The following ANKRD30B variants were observed in gnomAD, a reference collection of about 807,000 sequenced individuals.
The protein encoded by ANKRD30B is ankyrin repeat domain 30B, also known as ankyrin repeat domain-containing protein 30B.
In ANKRD30B, 144 loss-of-function variants were observed where a neutral mutation model predicts 202.2. The observed-to-expected ratio is 0.71, with a 90% CI of 0.62 to 0.82. The LOEUF (loss-of-function observed/expected upper bound fraction) is 0.82. Among genes scored for constraint, ANKRD30B ranks in the 40% least tolerant of loss-of-function variants. ANKRD30B has a pLI of 0.00. For synonymous variants in ANKRD30B, 508 were observed against 561.3 expected, an observed-to-expected ratio of 0.91 and a Z score of 1.34; for missense variants, 1,487 against 1,669.1, an observed-to-expected ratio of 0.89 and a Z score of 1.90.
At chr18:14,829,975 G>A (rs1481234443) in intron 33 of ANKRD30B, among the ~76,000 whole-genome samples, 3 of 152,098 alleles carry the variant, frequency 2.0e-5, no homozygotes, top group East Asian at 3.9e-4. Flanking sequence ...TGTAAAGCAG[G>A]GGGAAGATTG....
At chr18:14,817,933 A>AT (rs1342124504) in intron 30 of ANKRD30B, among the ~76,000 whole-genome samples, 6 of 152,116 alleles carry the variant, frequency 3.9e-5, no homozygotes, top group East Asian at 1.9e-4. Context: ...TTGGACATAA[A>AT]TTTTTTGTGT....
intron 8 of ANKRD30B, among the ~76,000 whole-genome samples, chr18:14,770,817 T>TAAAAAGATA (rs1555648028): frequency 4.3e-5 from 6 of 139,722 alleles, no homozygotes; most frequent in Non-Finnish European, 9.5e-5. Flanking sequence ...TATTGAAAGA[T>TAAAAAGATA]AAAAAAAAAA....
At chr18:14,896,965 CAAAA>C in the ANKRD30B span, among the ~76,000 whole-genome samples, 6 of 108,042 alleles carry the variant, frequency 5.6e-5, no homozygotes, top group Admixed American at 2.7e-4. Context: ...ATGCCAATTG[CAAAA>C]AAAAAAAAAA....
the ANKRD30B span, among the ~76,000 whole-genome samples, chr18:14,869,464 A>G: frequency 3.3e-5 from 5 of 152,192 alleles, no homozygotes; most frequent in African/African-American, 1.2e-4. Flanking sequence ...TTTTATATTT[A>G]TAATATTTAA....
chr18:14,823,999 C>A (rs1970563632), intron 32 of ANKRD30B, among the ~76,000 whole-genome samples: 1 of 152,070 alleles, frequency 6.6e-6, no homozygotes, highest in African/African-American at 2.4e-5. Flanking sequence ...CAAACAAAAC[C>A]CCAGAAATTC....
chr18:14,816,613 C>G (rs1281906669), intron 30 of ANKRD30B: 4 of 150,604 alleles, frequency 2.7e-5, no homozygotes, highest in Non-Finnish European at 5.9e-5. Flanking sequence ...CACCTACACT[C>G]CAGCCTGGGT....
chr18:14,810,064 A>T (rs1969821724), intron 27 of ANKRD30B, 44 bp from the exon 28 acceptor site: 4 of 1,460,588 alleles, frequency 2.7e-6, no homozygotes, highest in Non-Finnish European at 3.8e-6. Context: ...TATTTTATGA[A>T]GTATACATTA....
the ANKRD30B span, among the ~76,000 whole-genome samples, chr18:14,871,142 C>CCCCCACCCACACAT: frequency 4.0e-5 from 2 of 50,390 alleles, no homozygotes. Flanking sequence ...CACCCACACA[C>CCCCCACCCACACAT]CCCCACCCAC....
rs573554323 is a variant in ANKRD30B, at chr18:14,751,910, T to G, written c.222-656T>G. 1.5e-3 allele frequency among the ~76,000 whole-genome samples: 222 copies of G among 152,294 alleles called. 2 individuals are homozygous for G. The highest frequency in any genetic ancestry group is 3.4e-3 in the Middle Eastern group (1 of 294). On this transcript the variant is annotated intron_variant, in intron 1 of 43. Coordinates refer to ENST00000690538, the MANE Select transcript of ANKRD30B (RefSeq NM_001367607.2). ...TGTGAATTGTGTGATGCCTCTTTAT[T>G]TTATGCACCAATTAAAGATTGTTTA...
the ANKRD30B span, among the ~76,000 whole-genome samples, chr18:14,880,903 T>C: frequency 2.0e-5 from 3 of 152,202 alleles, no homozygotes; most frequent in African/African-American, 7.2e-5. Flanking sequence ...TGTTGATGTA[T>C]AGAAGAGCTA....
the ANKRD30B span, among the ~76,000 whole-genome samples, chr18:14,938,413 C>T: frequency 6.6e-6 from 1 of 152,216 alleles, no homozygotes; most frequent in African/African-American, 2.4e-5. Flanking sequence ...CTTGAGTTGT[C>T]GCTGGCCTTC....
the ANKRD30B span, chr18:14,888,736 T>A: frequency 4.2e-6 from 4 of 962,930 alleles, no homozygotes; most frequent in Non-Finnish European, 6.1e-6. Context: ...ACGTGGGCTG[T>A]TTTTGTTCTT....
intron 7 of ANKRD30B, among the ~76,000 whole-genome samples, chr18:14,766,323 AT>A (rs1312383013): frequency 6.6e-6 from 1 of 151,728 alleles, no homozygotes; most frequent in Non-Finnish European, 1.5e-5. Flanking sequence ...AATACAAAAA[AT>A]TAGCTGGGCG....
At chr18:14,838,295 C>T (rs1971266826) in intron 36 of ANKRD30B, among the ~76,000 whole-genome samples, 1 of 152,176 alleles carries the variant, frequency 6.6e-6, no homozygotes, top group African/African-American at 2.4e-5. Flanking sequence ...TACAAAAGCT[C>T]TAACTGGATT....
At chr18:14,849,994 C>T (rs1971815181) in intron 40 of ANKRD30B, among the ~76,000 whole-genome samples, 1 of 151,238 alleles carries the variant, frequency 6.6e-6, no homozygotes, top group Non-Finnish European at 1.5e-5. Flanking sequence ...GTAACAGAAA[C>T]TTTCTAACTA....
At chr18:14,779,893 T>C in intron 10 of ANKRD30B, 67 bp from the exon 11 acceptor site, 1 of 1,113,522 alleles carries the variant, frequency 9.0e-7, no homozygotes, top group South Asian at 1.4e-5. Flanking sequence ...AAAATAGATT[T>C]GTATATGTTT....
intron 30 of ANKRD30B, chr18:14,816,690 C>G (rs1426831585): frequency 1.4e-5 from 2 of 146,498 alleles, no homozygotes; most frequent in African/African-American, 2.5e-5. Context: ...CTATTCACAA[C>G]AGCAAAGACT....
chr18:14,868,244 AAG>A, the ANKRD30B span, among the ~76,000 whole-genome samples: 1 of 152,294 alleles, frequency 6.6e-6, no homozygotes, highest in Admixed American at 6.5e-5. Context: ...TGGGATGTGT[AAG>A]AAGCTGCTGG....
rs1194076397 is a variant in ANKRD30B, at chr18:14,810,274, G to C, written c.2488+94G>C. On this transcript the variant is annotated intron_variant, in intron 28 of 43. Coordinates refer to ENST00000690538, the MANE Select transcript of ANKRD30B (RefSeq NM_001367607.2). The stretch of plus-strand genomic sequence containing the variant: ...TTTATTCCCAAAGTTGTTTTCTTTT[G>C]AAAATTTGATGGGAAAATTTGATAC... 14 of 842,046 alleles carry C rather than the reference G, an allele frequency of 1.7e-5. No homozygotes were observed. In the East Asian group the frequency reaches 2.6e-4, roughly 15 times the overall value. 52.2% of individuals were successfully genotyped at this position (842,046 alleles called of 1,614,324 possible).
Sources: gnomAD v4.1 joint callset for allele counts (sites outside exome capture counted in the v4.1 genomes callset) on GRCh38, gnomAD v4.1.1 for gene constraint, MANE v1.5 for transcripts, NCBI Gene and HGNC (gene_info 2026-07-23, HGNC 2026-07-21) for gene names.